The following SRPRB variants were observed in gnomAD, a reference collection of about 807,000 sequenced individuals.
SRPRB encodes the protein signal recognition particle receptor subunit beta.
Under a neutral mutation model 31.9 loss-of-function variants are expected in SRPRB, and 20 were observed. The observed-to-expected ratio is 0.63, with a 90% CI of 0.44 to 0.91. The LOEUF is 0.91. Ranked by LOEUF, SRPRB falls within the 40% of genes least tolerant of loss-of-function variation. The pLI, the probability that SRPRB is intolerant of heterozygous loss-of-function variation, is 0.00. For missense variants in SRPRB, 321 were observed against 324.9 expected (o/e 0.99, Z 0.09); for synonymous variants, 146 against 132.8 (o/e 1.10, Z -0.68).
downstream of SRPRB, among the ~76,000 whole-genome samples, chr3:133,822,739 AG>A (rs1935494677): frequency 6.6e-6 from 1 of 152,230 alleles, no homozygotes; most frequent in Non-Finnish European, 1.5e-5. Context: ...TCAAAGCTTC[AG>A]TTGGCTCATG....
chr3:133,811,567 T>TTA lies in SRPRB; in HGVS notation c.410+377_410+378dup, dbSNP rs569217496. ...AGCAGTTTTTAAATGCCAACATCAT[T>TTA]TATATATATAGTGTTTTTTTGTTTT... On this transcript the variant is annotated intron_variant, in intron 4 of 6. Coordinates refer to ENST00000678299, the MANE Select transcript of SRPRB (RefSeq NM_001379313.1). Among the ~76,000 whole-genome samples the TTA allele has an allele frequency of 7.2e-4, 108 of 150,974 alleles. 1 individual carries two copies. The East Asian group carries it at 0.018, about 25-fold the overall frequency.
rs774448848 is a variant in SRPRB at position 133,816,948 on chromosome 3, G to A, written c.602+16G>A. ...AGAAAGAACTGTAAGTGTGAAAGAG[G>A]CCTGTTGGTTAATTATATATCTTAA... On this transcript the variant is annotated intron_variant, in intron 6 of 6. Transcript: ENST00000678299. The A allele has an allele frequency of 2.5e-6, 4 of 1,604,952 alleles. No homozygotes were observed. The highest frequency in any genetic ancestry group is 2.6e-6 in the Non-Finnish European group (3 of 1,175,720).
At chr3:133,800,586 A>G (rs1366253933) in intron 1 of SRPRB, among the ~76,000 whole-genome samples, 1 of 152,236 alleles carries the variant, frequency 6.6e-6, no homozygotes, top group East Asian at 1.9e-4. Context: ...AGAATATTGA[A>G]TGATGTTAGA....
intron 6 of SRPRB, among the ~76,000 whole-genome samples, chr3:133,818,573 A>G (rs1391022080): frequency 8.2e-6 from 1 of 121,618 alleles, no homozygotes; most frequent in Non-Finnish European, 1.7e-5. Context: ...AAAGCTGAAT[A>G]CATGTTTTAC....
At chr3:133,806,404 G>A (rs1935161112) in intron 1 of SRPRB, 4 of 555,604 alleles carry the variant, frequency 7.2e-6, no homozygotes, top group Non-Finnish European at 9.7e-6. Flanking sequence ...GTCAGAGTAA[G>A]GACTGCAAAG....
intron 1 of SRPRB, among the ~76,000 whole-genome samples, chr3:133,806,337 C>T (rs1279355276): frequency 1.3e-5 from 2 of 152,200 alleles, no homozygotes; most frequent in African/African-American, 2.4e-5. Context: ...TTTCAGCCTC[C>T]CGTGTTTGCG....
intron 1 of SRPRB, chr3:133,789,878 CGTTTTTTTTT>C (rs750197701): frequency 8.2e-4 from 43 of 52,434 alleles, no homozygotes; most frequent in African/African-American, 1.2e-3. Context: ...ATCTCGTTTG[CGTTTTTTTTT>C]TTTTTTTTTT....
At chr3:133,806,804 C>A in intron 2 of SRPRB, 101 bp downstream of exon 2, 3 of 924,036 alleles carry the variant, frequency 3.2e-6, no homozygotes, top group South Asian at 1.7e-5. Flanking sequence ...GAAGCTGATG[C>A]TGTTAAATTT....
intron 4 of SRPRB, among the ~76,000 whole-genome samples, chr3:133,813,050 T>A (rs1236780135): frequency 6.6e-6 from 1 of 152,242 alleles, no homozygotes; most frequent in Non-Finnish European, 1.5e-5. Context: ...CTCTTTTAGC[T>A]GAGTGCAGAG....
chr3:133,814,431 GGTTTTTTT>G (rs1303566003), intron 4 of SRPRB, among the ~76,000 whole-genome samples: 18 of 140,650 alleles, frequency 1.3e-4, no homozygotes, highest in Middle Eastern at 5.4e-3. Context: ...GCGCCTGGCC[GGTTTTTTT>G]GTTTTTTTGT....
intron 1 of SRPRB, chr3:133,786,937 G>C (rs1224029871): frequency 1.3e-5 from 2 of 152,174 alleles, no homozygotes; most frequent in African/African-American, 4.8e-5. Context: ...TAAAATTCTT[G>C]GGAAGTACTG....
intron 3 of SRPRB, among the ~76,000 whole-genome samples, chr3:133,810,047 T>C (rs894658807): frequency 1.8e-4 from 27 of 152,284 alleles, no homozygotes; most frequent in African/African-American, 4.1e-4. Flanking sequence ...CTTTAGATAG[T>C]AATATACCTA....
chr3:133,818,590 C>T (rs369494148), intron 6 of SRPRB, among the ~76,000 whole-genome samples: 2 of 144,378 alleles, frequency 1.4e-5, no homozygotes, highest in Admixed American at 1.4e-4. Flanking sequence ...TTACTTTTTT[C>T]CTTAAAAAAT....
rs1160865419 is a variant in SRPRB at position 133,805,965 on chromosome 3, A to T, written c.117A>T (p.Ser39=). 6.2e-7 allele frequency: 1 copy of T among 1,613,486 alleles called. No individual in the cohort carries two copies. The highest frequency in any genetic ancestry group is 8.5e-7 in the Non-Finnish European group (1 of 1,179,606). The change falls in exon 1 of 7, where the codon TCA becomes TCT. Residue 39 remains serine (S), a synonymous_variant. Coordinates refer to ENST00000678299, the MANE Select transcript of SRPRB (RefSeq NM_001379313.1). The part of the protein sequence containing the change: ...ELQQTDPTLL[S]VVVAVLAVLL... ...AGCAGACGGACCCAACGCTGTTGTC[A>T]GTAGTGGTGGCGGTTCTTGCGGTGC...
downstream of SRPRB, chr3:133,827,298 G>C (rs554463499): frequency 2.0e-5 from 3 of 152,448 alleles, no homozygotes; most frequent in Admixed American, 2.0e-4. Context: ...CCTGGAGGGA[G>C]AGCCAATGAC....
rs769166769 is a variant in SRPRB at position 133,811,100 on chromosome 3, A to T, written c.328-17A>T. 2.9e-5 allele frequency: 47 copies of T among 1,613,472 alleles called. No individual in the cohort carries two copies. The highest frequency in any genetic ancestry group is 3.4e-5 in the Non-Finnish European group (40 of 1,179,576). Reference sequence around the variant, plus strand: ...GGAACTGTATTGAAACGTTAATGTTATTGCTGCCATCCCCAGGGCAATAGT... The same window carrying T: ...GGAACTGTATTGAAACGTTAATGTTTTTGCTGCCATCCCCAGGGCAATAGT... On this transcript the variant is annotated splice_polypyrimidine_tract_variant and intron_variant, in intron 3 of 6. Coordinates refer to ENST00000678299, the MANE Select transcript of SRPRB (RefSeq NM_001379313.1).
At chr3:133,828,161 C>T, downstream of SRPRB, 1 of 596,738 alleles carries the variant, frequency 1.7e-6, no homozygotes, top group South Asian at 2.0e-5. Flanking sequence ...GGTCTCAGCT[C>T]CACACGAGGT....
At chr3:133,793,108 A>C (rs183358136) in intron 1 of SRPRB, 1 of 152,302 alleles carries the variant, frequency 6.6e-6, no homozygotes, top group Non-Finnish European at 1.5e-5. Flanking sequence ...CAAGATTTTC[A>C]TGCAGTATTA....
chr3:133,806,667 C>G lies in SRPRB; in HGVS notation c.213C>G (p.Gly71=), dbSNP rs1355997528. The part of the protein sequence containing the change: ...RSSQRAVLLV[G]LCDSGKTLLF... ...GTCAGAGAGCTGTTCTTCTTGTTGG[C>G]CTTTGTGATTCCGGGAAAACGTTGC... The change falls in exon 2 of 7, where the codon GGC becomes GGG. Residue 71 remains glycine, a synonymous_variant. Coordinates refer to ENST00000678299, the MANE Select transcript of SRPRB (RefSeq NM_001379313.1). The G allele has an allele frequency of 1.9e-6, 3 of 1,613,962 alleles. No individual in the cohort carries two copies. The highest frequency in any genetic ancestry group is 2.5e-6 in the Non-Finnish European group (3 of 1,179,970).
Sources: allele counts gnomAD v4.1 joint callset (sites outside exome capture counted in the v4.1 genomes callset), GRCh38; gene constraint gnomAD v4.1.1; transcripts MANE v1.5; gene names NCBI Gene and HGNC (gene_info 2026-07-23, HGNC 2026-07-21).